The following MMUT variants were observed in gnomAD, a reference collection of about 807,000 sequenced individuals.
MMUT encodes the protein methylmalonyl-CoA mutase, also known as methylmalonyl-CoA mutase, mitochondrial.
MMUT carries 79 observed loss-of-function variants against 79.9 expected under a neutral mutation model. That is an observed-to-expected ratio of 0.99 (90% CI 0.82 to 1.19). The LOEUF (loss-of-function observed/expected upper bound fraction) is 1.19. MMUT is among the 50% of genes most tolerant of loss of function. The pLI, the probability that MMUT is intolerant of heterozygous loss-of-function variation, is 0.00. For synonymous variants in MMUT, 273 were observed against 295.7 expected (o/e 0.92, Z 0.79); for missense variants, 860 against 917.2 (o/e 0.94, Z 0.81).
chr6:49,441,355 C>G (rs1353976844), intron 10 of MMUT, among the ~76,000 whole-genome samples: 6 of 151,722 alleles, frequency 4.0e-5, no homozygotes, highest in Admixed American at 2.6e-4. Context: ...ATTATTCAAG[C>G]AATGAAAAAT....
intron 10 of MMUT, among the ~76,000 whole-genome samples, chr6:49,440,653 A>T (rs1188469307): frequency 6.6e-6 from 1 of 152,130 alleles, no homozygotes; most frequent in Non-Finnish European, 1.5e-5. Flanking sequence ...ACTCTCGTCC[A>T]TATTTTGTTA....
Position 49,459,521 on chromosome 6 carries a change from T to G in MMUT, c.-39-16A>C, listed in dbSNP as rs954961032. On this transcript the variant is annotated splice_polypyrimidine_tract_variant and intron_variant, in intron 1 of 12. Coordinates refer to ENST00000274813, the MANE Select transcript of MMUT (RefSeq NM_000255.4). Reference sequence around the variant, plus strand: ...AAGAACTGACCTAGAAAAAGAAACATAGAGTAAAAACATTTAGAAGAGGGG... The same window carrying G: ...AAGAACTGACCTAGAAAAAGAAACAGAGAGTAAAAACATTTAGAAGAGGGG... 5 of 1,583,622 alleles carry G rather than the reference T, an allele frequency of 3.2e-6. No homozygotes were observed. The highest frequency in any genetic ancestry group is 4.3e-6 in the Non-Finnish European group (5 of 1,168,702).
chr6:49,445,364 A>AT lies in MMUT; in HGVS notation c.1561-611dup, dbSNP rs541144412. 4.1e-3 allele frequency among the ~76,000 whole-genome samples: 629 copies of AT among 152,128 alleles called. 10 individuals are homozygous for AT. The highest frequency in any genetic ancestry group is 0.015 in the African/African-American group (602 of 41,512). ...TGTCAAAATAAAGTTGCATAAATCC[A>AT]TTTTTTTACAAATTGTACCACCTGT... On this transcript the variant is annotated intron_variant, in intron 8 of 12. Transcript: ENST00000274813.
chr6:49,446,713 AT>A (rs1767418239), intron 8 of MMUT, among the ~76,000 whole-genome samples: 1 of 151,908 alleles, frequency 6.6e-6, no homozygotes. Flanking sequence ...CTATATTGTC[AT>A]TAATGAATTT....
At chr6:49,451,887 A>G (rs1050822537) in intron 5 of MMUT, among the ~76,000 whole-genome samples, 173 bp from the exon 6 acceptor site, 1 of 152,236 alleles carries the variant, frequency 6.6e-6, no homozygotes, top group Non-Finnish European at 1.5e-5. Context: ...CAAAATTAGA[A>G]GAGTCAGAGT....
At chr6:49,432,388 G>A (rs949773485) in intron 12 of MMUT, among the ~76,000 whole-genome samples, 28 of 150,282 alleles carry the variant, frequency 1.9e-4, no homozygotes, top group African/African-American at 6.6e-4. Context: ...TATTTGTTTT[G>A]TTTATTTATT....
chr6:49,438,973 C>G (rs1015229647), intron 11 of MMUT, among the ~76,000 whole-genome samples: 3 of 152,068 alleles, frequency 2.0e-5, no homozygotes, highest in African/African-American at 4.8e-5. Flanking sequence ...ACCTTGTGAT[C>G]ATGTGAGTTA....
intron 6 of MMUT, among the ~76,000 whole-genome samples, chr6:49,450,400 A>T (rs887473936): frequency 1.3e-5 from 2 of 152,082 alleles, no homozygotes; most frequent in African/African-American, 4.8e-5. Context: ...AATATTTTTT[A>T]AAAAAAGGTG....
chr6:49,439,705 T>G (rs949406002), intron 11 of MMUT, among the ~76,000 whole-genome samples: 1 of 152,178 alleles, frequency 6.6e-6, no homozygotes, highest in Admixed American at 6.5e-5. Context: ...CCTTCTAAGA[T>G]TATCCTTAGA....
intron 2 of MMUT, among the ~76,000 whole-genome samples, chr6:49,458,453 A>C (rs2127420187): frequency 6.6e-6 from 1 of 152,304 alleles, no homozygotes; most frequent in African/African-American, 2.4e-5. Context: ...TTGTTCTTTT[A>C]TCTAATATGG....
At chr6:49,436,604 CAAA>C (rs35151510) in intron 11 of MMUT, among the ~76,000 whole-genome samples, 5 of 110,956 alleles carry the variant, frequency 4.5e-5, no homozygotes, top group Admixed American at 9.8e-5. Flanking sequence ...GACTCTGTTT[CAAA>C]AAAAAAAAAA....
chr6:49,440,219 C>T lies in MMUT; in HGVS notation c.1943G>A (p.Gly648Asp), dbSNP rs766721811. The T allele has an allele frequency of 3.1e-6, 5 of 1,614,040 alleles. No homozygotes were observed. In the East Asian group the frequency reaches 1.1e-4, roughly 36 times the overall value. ...AGTTTTTAGTACCTGGAAAAGAGGG[C>T]CTATGTCCACATCAAAACCAAGATC... Reference protein sequence around the residue: ...FADLGFDVDIGPLFQTPREVA... With the variant: ...FADLGFDVDIDPLFQTPREVA... The change falls in exon 11 of 13, where the codon GGC becomes GAC. Residue 648 changes from glycine to aspartate, a missense_variant. Gly to Asp is a moderately conservative substitution (Grantham distance 94). Transcript: ENST00000274813.
chr6:49,441,994 C>A (rs568167963), intron 9 of MMUT, 23 bp from the exon 10 acceptor site: 198 of 1,593,946 alleles, frequency 1.2e-4, no homozygotes, highest in Non-Finnish European at 1.6e-4. Flanking sequence ...ATGGTGGTTC[C>A]ATTAACTTCA....
At chr6:49,454,543 T>A (rs772532540) in intron 4 of MMUT, among the ~76,000 whole-genome samples, 1 of 152,170 alleles carries the variant, frequency 6.6e-6, no homozygotes, top group Non-Finnish European at 1.5e-5. Flanking sequence ...CCTGGCCTCA[T>A]GTGATCTGTC....
intron 10 of MMUT, among the ~76,000 whole-genome samples, 159 bp from the exon 11 acceptor site, chr6:49,440,512 T>C (rs1475778232): frequency 6.6e-6 from 1 of 152,176 alleles, no homozygotes; most frequent in African/African-American, 2.4e-5. Flanking sequence ...ATTTTTATTT[T>C]ACATTCAGGG....
chr6:49,457,298 G>A (rs1361216118), intron 3 of MMUT, among the ~76,000 whole-genome samples: 1 of 152,204 alleles, frequency 6.6e-6, no homozygotes, highest in Admixed American at 6.5e-5. Flanking sequence ...TGAGGTTGCA[G>A]ATATGAGTGA....
intron 4 of MMUT, among the ~76,000 whole-genome samples, chr6:49,454,202 G>T (rs1767630843): frequency 6.6e-6 from 1 of 152,104 alleles, no homozygotes; most frequent in Non-Finnish European, 1.5e-5. Flanking sequence ...TCCAATTTGT[G>T]CCCTTCACCT....
intron 1 of MMUT, 124 bp from the exon 2 acceptor site, chr6:49,459,629 G>T: frequency 1.3e-6 from 1 of 770,966 alleles, no homozygotes. Context: ...CCCCTTTTCT[G>T]CTTCCTGCAC....
chr6:49,447,638 T>TTA, intron 8 of MMUT, 32 bp downstream of exon 8: 2 of 1,074,676 alleles, frequency 1.9e-6, no homozygotes, highest in Non-Finnish European at 2.7e-6. Context: ...AGAAAATACT[T>TTA]AAAAAAAAAA....
Sources: gnomAD v4.1 joint callset for allele counts (sites outside exome capture counted in the v4.1 genomes callset) on GRCh38, gnomAD v4.1.1 for gene constraint, MANE v1.5 for transcripts, NCBI Gene and HGNC (gene_info 2026-07-23, HGNC 2026-07-21) for gene names.